The following ZNF91 variants were observed in gnomAD, a reference collection of about 807,000 sequenced individuals.
ZNF91 encodes zinc finger protein 91.
A neutral mutation model predicts 12.6 loss-of-function variants in ZNF91; 7 were observed. The observed-to-expected ratio is 0.55, with a 90% CI of 0.31 to 1.04. The LOEUF (loss-of-function observed/expected upper bound fraction) is 1.04, where lower values mean the gene tolerates loss of function less well. Among genes scored for constraint, ZNF91 ranks in the 50% least tolerant of loss-of-function variants. ZNF91 has a pLI of 0.05. For missense variants in ZNF91, 1,217 were observed against 1,385.4 expected (o/e 0.88, Z 1.93); for synonymous variants, 453 against 462.6 (o/e 0.98, Z 0.27).
chr19:23,330,443 C>G (rs1241268985), intron 1 of ZNF91, among the ~76,000 whole-genome samples: 4 of 152,146 alleles, frequency 2.6e-5, no homozygotes, highest in Non-Finnish European at 5.9e-5. Flanking sequence ...CATGACTCAC[C>G]AGAATCGGAG....
At chr19:23,318,917 T>C (rs1819897952) in intron 1 of ZNF91, among the ~76,000 whole-genome samples, 1 of 152,238 alleles carries the variant, frequency 6.6e-6, no homozygotes, top group Non-Finnish European at 1.5e-5. Flanking sequence ...ATTTATGTGA[T>C]GTGATTCTCC....
chr19:23,360,241 T>A lies in ZNF91; in HGVS notation c.2738A>T (p.Glu913Val). 6.2e-7 allele frequency: 1 copy of A among 1,614,116 alleles called. No homozygotes were observed. The highest frequency in any genetic ancestry group is 8.5e-7 in the Non-Finnish European group (1 of 1,180,020). Residue 913 changes from glutamate (E) to valine (V), a missense_variant, in exon 4 of 4, where the codon GAA (glutamate) becomes GTA (valine). Coordinates refer to ENST00000300619, the MANE Select transcript of ZNF91 (RefSeq NM_003430.4). Reference sequence around the variant, plus strand: ...CTGGCTAAATGCTTTGCCACATTCTTCACATTTGTAGGTTTTCTCTCTGGT... The same window carrying A: ...CTGGCTAAATGCTTTGCCACATTCTACACATTTGTAGGTTTTCTCTCTGGT... ...IHTREKTYKC[E>V]ECGKAFSQPS...
chr19:23,356,317 ATG>A (rs547317191), downstream of ZNF91, among the ~76,000 whole-genome samples: 4 of 151,172 alleles, frequency 2.6e-5, no homozygotes, highest in South Asian at 2.1e-4. Context: ...AAATATATAT[ATG>A]TGTGTGTATA....
chr19:23,394,383 C>T (rs1970161487), intron 1 of ZNF91, among the ~76,000 whole-genome samples: 1 of 152,180 alleles, frequency 6.6e-6, no homozygotes, highest in Non-Finnish European at 1.5e-5. Context: ...CAACTATAAA[C>T]TGCCAATTAA....
chr19:23,347,435 T>G (rs556521589), intron 3 of ZNF91, among the ~76,000 whole-genome samples: 1 of 152,230 alleles, frequency 6.6e-6, no homozygotes, highest in South Asian at 2.1e-4. Context: ...TGGTGGGAAA[T>G]CTAGCAGATA....
chr19:23,346,128 A>G (rs1390411859), intron 3 of ZNF91, among the ~76,000 whole-genome samples: 1 of 152,072 alleles, frequency 6.6e-6, no homozygotes, highest in Non-Finnish European at 1.5e-5. Flanking sequence ...CCTCACTGAT[A>G]TCTCTCAAAT....
chr19:23,365,964 C>T (rs970420332), intron 3 of ZNF91, among the ~76,000 whole-genome samples: 2 of 152,364 alleles, frequency 1.3e-5, no homozygotes, highest in East Asian at 3.9e-4. Context: ...CCCATGTCTA[C>T]TTCTTTCTAC....
intron 3 of ZNF91, among the ~76,000 whole-genome samples, chr19:23,341,607 T>C (rs760582914): frequency 2.0e-5 from 3 of 151,872 alleles, no homozygotes; most frequent in Admixed American, 6.6e-5. Flanking sequence ...TATATACAAA[T>C]GACCAATAGA....
chr19:23,390,438 T>C (rs1194928665), intron 1 of ZNF91, among the ~76,000 whole-genome samples: 2 of 152,136 alleles, frequency 1.3e-5, no homozygotes, highest in African/African-American at 4.8e-5. Context: ...AAATTCTCTA[T>C]CTTTTGTGTT....
At chr19:23,320,509 C>T (rs1313922901) in intron 1 of ZNF91, among the ~76,000 whole-genome samples, 1 of 152,156 alleles carries the variant, frequency 6.6e-6, no homozygotes, top group Non-Finnish European at 1.5e-5. Flanking sequence ...CAGGAACCTT[C>T]TTCACAAGGT....
chr19:23,344,309 T>C (rs1375703952), intron 3 of ZNF91, among the ~76,000 whole-genome samples: 1 of 152,092 alleles, frequency 6.6e-6, no homozygotes, highest in Non-Finnish European at 1.5e-5. Flanking sequence ...TTAGCCAGGA[T>C]GGTCTCGATC....
chr19:23,360,718 G>A lies in ZNF91; in HGVS notation c.2261C>T (p.Ser754Phe). 6.2e-7 allele frequency: 1 copy of A among 1,613,780 alleles called. No homozygotes were observed. The highest frequency in any genetic ancestry group is 8.5e-7 in the Non-Finnish European group (1 of 1,179,900). ...TCTTTTATGTTTAGTAAGGCTTGAG[G>A]ACCAGTTAAATGCTTTGCCACATTC... is the stretch of plus-strand genomic sequence containing the variant. Reference protein sequence around the residue: ...CEECGKAFNWSSSLTKHKRIH... With the variant: ...CEECGKAFNWFSSLTKHKRIH... The change falls in exon 4 of 4, where the codon TCC becomes TTC. Residue 754 changes from serine to phenylalanine, a missense_variant. Ser to Phe is a radical substitution (Grantham distance 155). This residue lies in a region of ZNF91 where 726 missense variants were observed against 895.5 expected (regional missense o/e 0.81). Transcript: ENST00000300619.
chr19:23,319,738 A>C (rs1967644583), intron 1 of ZNF91, among the ~76,000 whole-genome samples: 1 of 152,158 alleles, frequency 6.6e-6, no homozygotes, highest in African/African-American at 2.4e-5. Context: ...CCCTCACAGA[A>C]GATTGTGACA....
downstream of ZNF91, among the ~76,000 whole-genome samples, chr19:23,334,292 T>C (rs1967969137): frequency 6.6e-6 from 1 of 152,012 alleles, no homozygotes; most frequent in South Asian, 2.1e-4. Context: ...CTTAGGAAAA[T>C]GGATGAGGGG....
chr19:23,381,587 G>A lies in ZNF91; in HGVS notation c.31-6823C>T, dbSNP rs752868029. On this transcript the variant is annotated intron_variant, in intron 1 of 3. Coordinates refer to ENST00000300619, the MANE Select transcript of ZNF91 (RefSeq NM_003430.4). ...AGTGATTCTCCTGCCTCAATCTCCCGAGTAGCTGGATTACAGGCGTGCGCC... is the reference window on the plus strand; with the variant it reads ...AGTGATTCTCCTGCCTCAATCTCCCAAGTAGCTGGATTACAGGCGTGCGCC... 4.0e-5 allele frequency among the ~76,000 whole-genome samples: 6 copies of A among 151,024 alleles called. 1 individual carries two copies.
At position 23,344,155 on chromosome 19, in the gene ZNF91, C is replaced by T. The variant is rs1044868489; in HGVS notation, c.254-5101G>A. Among the ~76,000 whole-genome samples the T allele has an allele frequency of 1.9e-4, 29 of 152,176 alleles. 1 individual carries two copies. The highest frequency in any genetic ancestry group is 7.8e-4 in the Admixed American group (12 of 15,298). Reference sequence around the variant, plus strand: ...TGTCACCCAGGCTGGAGTGCAGTGGCGTGATCTTGGCTTACTGCAAGCTCC... The same window carrying T: ...TGTCACCCAGGCTGGAGTGCAGTGGTGTGATCTTGGCTTACTGCAAGCTCC... On this transcript the variant is annotated intron_variant, in intron 3 of 3. Coordinates refer to the ZNF91 transcript ENST00000599743.
chr19:23,393,196 G>A (rs1438955362), intron 1 of ZNF91, among the ~76,000 whole-genome samples: 2 of 151,998 alleles, frequency 1.3e-5, no homozygotes, highest in African/African-American at 4.8e-5. Context: ...ACTAGTATCT[G>A]ATTGGCTGGC....
At chr19:23,384,762 C>T (rs1358834449) in intron 1 of ZNF91, 1 of 635,820 alleles carries the variant, frequency 1.6e-6, no homozygotes, top group Admixed American at 2.4e-5. Context: ...TGGGTCAGCT[C>T]CCCGGGCATA....
At chr19:23,341,908 T>C (rs568769123) in intron 3 of ZNF91, among the ~76,000 whole-genome samples, 2 of 152,276 alleles carry the variant, frequency 1.3e-5, no homozygotes, top group South Asian at 4.1e-4. Flanking sequence ...AGGCATATCA[T>C]GCAGCACCTT....
Sources: gnomAD v4.1 joint callset for allele counts (sites outside exome capture counted in the v4.1 genomes callset) on GRCh38, gnomAD v4.1.1 for gene constraint, gnomAD v4.1.1 regional missense constraint, MANE v1.5 for transcripts, NCBI Gene and HGNC (gene_info 2026-07-23, HGNC 2026-07-21) for gene names.